Variants in PCSK2 observed in about 807,000 individuals in gnomAD.
The protein encoded by PCSK2 is neuroendocrine convertase 2.
Under a neutral mutation model 69.7 loss-of-function variants are expected in PCSK2, and 14 were observed. The ratio of observed to expected loss-of-function variants is 0.20; its 90% confidence interval spans 0.13 to 0.31. PCSK2 has a LOEUF of 0.31. Among genes scored for constraint, PCSK2 ranks in the 10% least tolerant of loss-of-function variants. The pLI is 1.00. For missense variants in PCSK2, 544 were observed against 842.5 expected, an observed-to-expected ratio of 0.65 and a Z score of 4.39; for synonymous variants, 307 against 320.7, an observed-to-expected ratio of 0.96 and a Z score of 0.46.
intron 1 of PCSK2, among the ~76,000 whole-genome samples, chr20:17,249,015 G>A (rs1464421981): frequency 1.3e-5 from 2 of 152,142 alleles, no homozygotes; most frequent in African/African-American, 2.4e-5. Context: ...GCTAGACCAA[G>A]CCAGGTATGC....
intron 5 of PCSK2, among the ~76,000 whole-genome samples, chr20:17,382,165 C>T (rs2123254805): frequency 6.6e-6 from 1 of 152,240 alleles, no homozygotes; most frequent in African/African-American, 2.4e-5. Context: ...CATGTGTTGT[C>T]TCCCACCTCT....
rs115295579 is a variant in PCSK2 at position 17,288,076 on chromosome 20, A to C, written c.282+27732A>C. Among the ~76,000 whole-genome samples the C allele has an allele frequency of 6.1e-3, 925 of 152,262 alleles. 13 individuals are homozygous for C. The highest frequency in any genetic ancestry group is 0.021 in the African/African-American group (877 of 41,556). On this transcript the variant is annotated intron_variant, in intron 2 of 11. Transcript: ENST00000262545. ...TGCAGGCTGGATCACACAGCTGTAC[A>C]TGCCCTTCCCCACTTCCCATTCTAA...
At chr20:17,311,831 C>A (rs1378031265) in intron 2 of PCSK2, among the ~76,000 whole-genome samples, 1 of 152,034 alleles carries the variant, frequency 6.6e-6, no homozygotes, top group African/African-American at 2.4e-5. Context: ...GTAATATCTC[C>A]AGGGAATAAT....
In PCSK2 at chr20:17,227,333, A is replaced by C. The variant is rs1283062564; in HGVS notation, c.28A>C (p.Lys10Gln). 1 of 1,613,838 alleles carries C rather than the reference A, an allele frequency of 6.2e-7. No homozygotes were observed. Among genetic ancestry groups the C allele is most frequent in the Non-Finnish European group, 8.5e-7 (1 of 1,179,948 alleles). Reference protein sequence around the residue: MKGGCVSQWKAAAGFLFCVM... With the variant: MKGGCVSQWQAAAGFLFCVM... ...GAAGGGTGGTTGTGTCTCCCAGTGGAAGGCGGCCGCCGGGTTCCTCTTCTG... is the reference window on the plus strand; with the variant it reads ...GAAGGGTGGTTGTGTCTCCCAGTGGCAGGCGGCCGCCGGGTTCCTCTTCTG... The change falls in exon 1 of 12, where the codon AAG becomes CAG. Residue 10 changes from lysine (K) to glutamine (Q), a missense_variant. By Grantham distance (53) the Lys-to-Gln change is moderately conservative. This residue lies in a region of PCSK2 where 157 missense variants were observed against 155.0 expected (regional missense o/e 1.01). Coordinates refer to ENST00000262545, the MANE Select transcript of PCSK2 (RefSeq NM_002594.5).
At position 17,258,965 on chromosome 20, in the gene PCSK2, C is replaced by T. The variant is rs147110453; in HGVS notation, c.178-1275C>T. Reference sequence around the variant, plus strand: ...TTTTTACTTTGTTATCTGTGTTTTTCGGTTTTCTAAATTTACTCTACATTT... The same window carrying T: ...TTTTTACTTTGTTATCTGTGTTTTTTGGTTTTCTAAATTTACTCTACATTT... On this transcript the variant is annotated intron_variant, in intron 1 of 11. Transcript: ENST00000262545. 4.0e-3 allele frequency among the ~76,000 whole-genome samples: 607 copies of T among 151,738 alleles called. 3 individuals are homozygous for T. The highest frequency in any genetic ancestry group is 0.014 in the African/African-American group (574 of 41,408).
intron 2 of PCSK2, among the ~76,000 whole-genome samples, chr20:17,263,734 T>A (rs141102272): frequency 6.0e-4 from 91 of 152,318 alleles, no homozygotes; most frequent in African/African-American, 2.1e-3. Flanking sequence ...AAGAATCCCA[T>A]GAAGAACCAG....
chr20:17,369,917 A>C (rs2030707396), intron 5 of PCSK2, among the ~76,000 whole-genome samples: 1 of 152,050 alleles, frequency 6.6e-6, no homozygotes, highest in African/African-American at 2.4e-5. Context: ...ACTTATGACC[A>C]CTCCACTGAC....
chr20:17,427,010 CATG>C (rs2032262069), intron 6 of PCSK2, among the ~76,000 whole-genome samples: 2 of 152,202 alleles, frequency 1.3e-5, no homozygotes, highest in Non-Finnish European at 2.9e-5. Context: ...AGTTAAAGAT[CATG>C]GTTAAGAGCA....
At chr20:17,244,040 T>G (rs1263697053) in intron 1 of PCSK2, among the ~76,000 whole-genome samples, 1 of 152,208 alleles carries the variant, frequency 6.6e-6, no homozygotes, top group Non-Finnish European at 1.5e-5. Context: ...GATATCACAT[T>G]AGAGTTAACT....
chr20:17,322,039 A>C lies in PCSK2; in HGVS notation c.283-36288A>C, dbSNP rs909384032. Among the ~76,000 whole-genome samples the C allele has an allele frequency of 3.9e-4, 59 of 152,038 alleles. 1 individual carries two copies. Among genetic ancestry groups the C allele is most frequent in the Non-Finnish European group, 1.9e-4 (13 of 68,002 alleles). On this transcript the variant is annotated intron_variant, in intron 2 of 11. Transcript: ENST00000262545. Reference sequence around the variant, plus strand: ...GGAAGAAAACTAACACTGGTTAAACACCTCTAAATGCCAAGTACTATAACA... The same window carrying C: ...GGAAGAAAACTAACACTGGTTAAACCCCTCTAAATGCCAAGTACTATAACA...
chr20:17,287,461 G>GTA, intron 2 of PCSK2, among the ~76,000 whole-genome samples: 1 of 146,534 alleles, frequency 6.8e-6, no homozygotes, highest in Admixed American at 7.4e-5. Flanking sequence ...GTGTGTGTGT[G>GTA]TGTTAAAATG....
Position 17,272,384 on chromosome 20 carries a change from C to A in PCSK2, c.282+12040C>A, listed in dbSNP as rs559097321. Among the ~76,000 whole-genome samples the A allele has an allele frequency of 4.6e-5, 7 of 152,210 alleles. No homozygotes were observed. In the East Asian group the frequency reaches 5.8e-4, roughly 13 times the overall value. On this transcript the variant is annotated intron_variant, in intron 2 of 11. Coordinates refer to ENST00000262545, the MANE Select transcript of PCSK2 (RefSeq NM_002594.5). ...AGATCTCACATTGATTAATAGTGAA[C>A]CTACAATTAGCTAAAATTTCTAGGT...
At chr20:17,388,427 A>T (rs56353032) in intron 5 of PCSK2, among the ~76,000 whole-genome samples, 26,500 of 152,074 alleles carry the variant, frequency 0.17, 3,237 homozygotes, top group East Asian at 0.49. Context: ...TAAAAGGAAG[A>T]TAGAGAGAGA....
intron 5 of PCSK2, among the ~76,000 whole-genome samples, chr20:17,378,590 CGGATGGAT>C (rs57945532): frequency 0.05 from 6,747 of 136,234 alleles, 494 homozygotes; most frequent in African/African-American, 0.17. Context: ...GATGGATGGA[CGGATGGAT>C]GGATGGATGG....
chr20:17,380,711 A>T (rs1255631218), intron 5 of PCSK2, among the ~76,000 whole-genome samples: 3 of 152,216 alleles, frequency 2.0e-5, no homozygotes, highest in Non-Finnish European at 2.9e-5. Context: ...GCAGGGAAGA[A>T]CACAAGCCTA....
At chr20:17,468,812 A>G (rs2033152250) in intron 11 of PCSK2, among the ~76,000 whole-genome samples, 1 of 127,812 alleles carries the variant, frequency 7.8e-6, no homozygotes, top group Non-Finnish European at 1.9e-5. Flanking sequence ...ACCATAGGTC[A>G]GCATCCTCCC....
At chr20:17,345,752 G>A (rs768823029) in intron 2 of PCSK2, among the ~76,000 whole-genome samples, 29 of 152,188 alleles carry the variant, frequency 1.9e-4, no homozygotes, top group South Asian at 4.1e-4. Context: ...TGAACCACAC[G>A]GTTTGGGGCA....
At chr20:17,394,245 T>C (rs2031456315) in intron 5 of PCSK2, among the ~76,000 whole-genome samples, 1 of 152,240 alleles carries the variant, frequency 6.6e-6, no homozygotes, top group African/African-American at 2.4e-5. Flanking sequence ...CAAATGATAC[T>C]GACGTCAACA....
intron 6 of PCSK2, among the ~76,000 whole-genome samples, chr20:17,422,698 C>A (rs1600567936): frequency 6.6e-6 from 1 of 152,022 alleles, no homozygotes; most frequent in East Asian, 1.9e-4. Flanking sequence ...AACAGAACAA[C>A]AGCAAGATGG....
Sources: gnomAD v4.1 joint callset for allele counts (sites outside exome capture counted in the v4.1 genomes callset) on GRCh38, gnomAD v4.1.1 for gene constraint, gnomAD v4.1.1 regional missense constraint, MANE v1.5 for transcripts, NCBI Gene and HGNC (gene_info 2026-07-23, HGNC 2026-07-21) for gene names.